Variants in ARIH2 observed in about 807,000 individuals in gnomAD.
ARIH2 encodes E3 ubiquitin-protein ligase ARIH2.
A neutral mutation model predicts 79.8 loss-of-function variants in ARIH2; 12 were observed. The ratio of observed to expected loss-of-function variants is 0.15; its 90% CI spans 0.10 to 0.24. The LOEUF is 0.24. Among genes scored for constraint, ARIH2 ranks in the 10% least tolerant of loss-of-function variants. The probability of loss-of-function intolerance (pLI) is 1.00; values close to 1 mark genes in which losing one functional copy is unlikely to be tolerated. For synonymous variants in ARIH2, 224 were observed against 213.9 expected (o/e 1.05, Z -0.41); for missense variants, 301 against 618.3 (o/e 0.49, Z 5.44).
chr3:48,976,253 G>A (rs1045845137), intron 11 of ARIH2, among the ~76,000 whole-genome samples: 2 of 144,742 alleles, frequency 1.4e-5, no homozygotes, highest in Non-Finnish European at 3.0e-5. Context: ...TGCTCTTGTC[G>A]CTCAGGCTGG....
intron 3 of ARIH2, among the ~76,000 whole-genome samples, chr3:48,961,368 G>C (rs1188918642): frequency 6.6e-6 from 1 of 152,114 alleles, no homozygotes; most frequent in Non-Finnish European, 1.5e-5. Flanking sequence ...TTAAGTTTCA[G>C]ATAAAATTAA....
At chr3:48,961,721 C>A in intron 4 of ARIH2, 42 bp downstream of exon 4, 1 of 1,273,432 alleles carries the variant, frequency 7.9e-7, no homozygotes, top group South Asian at 1.2e-5. Flanking sequence ...GCCCATAGCT[C>A]CCCTCTCCGT....
At chr3:48,964,559 C>T (rs571289591) in intron 4 of ARIH2, among the ~76,000 whole-genome samples, 1 of 152,218 alleles carries the variant, frequency 6.6e-6, no homozygotes, top group South Asian at 2.1e-4. Context: ...AAGTGATCTG[C>T]CCGCCTCGGC....
At chr3:48,970,494 A>G in intron 7 of ARIH2, 101 bp from the exon 8 acceptor site, 1 of 776,832 alleles carries the variant, frequency 1.3e-6, no homozygotes, top group Non-Finnish European at 2.2e-6. Context: ...CGTATAAGTC[A>G]TCAGCTGGGA....
At chr3:48,933,926 C>T (rs148075615) in intron 3 of ARIH2, among the ~76,000 whole-genome samples, 1 of 152,306 alleles carries the variant, frequency 6.6e-6, no homozygotes, top group Non-Finnish European at 1.5e-5. Flanking sequence ...GTTTTTACTA[C>T]ATTTCTTCTT....
rs2092841235 is a variant in ARIH2 at position 48,984,141 on chromosome 3, G to A, written c.*871G>A. On this transcript the variant is annotated 3_prime_UTR_variant, in exon 16 of 16. Transcript: ENST00000356401. ...TAGGGATCTACTTTTGAAGGGAATT[G>A]TTCCTCCCAAATAAATTTGCTTTAC... 6.6e-6 allele frequency: 1 copy of A among 152,616 alleles called. No homozygotes were observed. Among genetic ancestry groups the A allele is most frequent in the South Asian group, 2.1e-4 (1 of 4,824 alleles). The allele number at this position is 152,616 out of a possible 1,614,324, so 9.5% of individuals were successfully genotyped here.
At chr3:48,923,319 G>GA (rs1309498442) in intron 2 of ARIH2, among the ~76,000 whole-genome samples, 2 of 151,540 alleles carry the variant, frequency 1.3e-5, no homozygotes, top group South Asian at 4.1e-4. Context: ...AGAATTGCTT[G>GA]AACCCGGAAG....
At chr3:48,982,678 T>C in intron 14 of ARIH2, 1 of 534,198 alleles carries the variant, frequency 1.9e-6, no homozygotes, top group Non-Finnish European at 3.3e-6. Context: ...GGAGTGGACC[T>C]TTTGAGGGTC....
At chr3:48,931,626 C>T (rs1386350364) in intron 3 of ARIH2, among the ~76,000 whole-genome samples, 2 of 152,006 alleles carry the variant, frequency 1.3e-5, no homozygotes, top group Non-Finnish European at 2.9e-5. Context: ...TACAGAATCT[C>T]ACTATGTTGC....
intron 3 of ARIH2, among the ~76,000 whole-genome samples, chr3:48,954,100 G>T (rs572775632): frequency 1.2e-4 from 18 of 152,136 alleles, no homozygotes; most frequent in African/African-American, 3.9e-4. Flanking sequence ...GGCGGAGGTT[G>T]CAGTGAACCA....
chr3:48,937,933 G>C (rs1007660459), intron 3 of ARIH2, among the ~76,000 whole-genome samples: 6 of 151,176 alleles, frequency 4.0e-5, no homozygotes, highest in African/African-American at 1.5e-4. Context: ...TGTAGTCCCA[G>C]CTACTCCGGA....
At position 48,922,809 on chromosome 3, in the gene ARIH2, C is replaced by T. The variant is rs2084998699; in HGVS notation, c.-100C>T. The T allele has an allele frequency of 6.6e-6, 1 of 152,108 alleles. No homozygotes were observed. The allele number at this position is 152,108 out of a possible 1,614,324, so 9.4% of individuals were successfully genotyped here. A position where few individuals can be genotyped will look rare whatever the true frequency, so the allele number is the denominator to read the frequency against. On this transcript the variant is annotated splice_region_variant and 5_prime_UTR_variant, in exon 2 of 16. Transcript: ENST00000356401. ...CTGCCTGAGAGATCTCCAAGAATTA[C>T]AGGTATCTTTAATTTAAAGATTAAC...
chr3:48,936,596 G>C (rs781396338), intron 3 of ARIH2, among the ~76,000 whole-genome samples: 3 of 152,098 alleles, frequency 2.0e-5, no homozygotes, highest in Non-Finnish European at 4.4e-5. Context: ...AGCTGGGCAT[G>C]GTGGTGCATG....
rs988123629 is a variant in ARIH2, at chr3:48,977,310, G to A, written c.962-2172G>A. Among the ~76,000 whole-genome samples the A allele has an allele frequency of 2.6e-5, 4 of 151,780 alleles. No homozygotes were observed. The East Asian group carries it at 5.8e-4, about 22-fold the overall frequency. Reference sequence around the variant, plus strand: ...GTGGTTTTTTGTTTTGTTTTGTTTCGTTTTTTGAGATGGAGTCTCACTCTG... The same window carrying A: ...GTGGTTTTTTGTTTTGTTTTGTTTCATTTTTTGAGATGGAGTCTCACTCTG... On this transcript the variant is annotated intron_variant, in intron 11 of 15. Coordinates refer to ENST00000356401, the MANE Select transcript of ARIH2 (RefSeq NM_006321.4).
At chr3:48,959,664 A>AG (rs2091035272) in intron 3 of ARIH2, among the ~76,000 whole-genome samples, 1 of 150,894 alleles carries the variant, frequency 6.6e-6, no homozygotes, top group South Asian at 2.1e-4. Context: ...AAAAAAAAAA[A>AG]AAAAAAAAAA....
rs752919895 is a variant in ARIH2 at position 48,983,178 on chromosome 3, C to T, written c.1411-21C>T. On this transcript the variant is annotated intron_variant, in intron 15 of 15. Coordinates refer to ENST00000356401, the MANE Select transcript of ARIH2 (RefSeq NM_006321.4). Reference sequence around the variant, plus strand: ...CCCAGGCCTGGGCCATGCAAGCACACACCTTGTTTCTCTGATGCAGGACTT... The same window carrying T: ...CCCAGGCCTGGGCCATGCAAGCACATACCTTGTTTCTCTGATGCAGGACTT... The T allele has an allele frequency of 1.5e-5, 25 of 1,614,108 alleles. 1 individual carries two copies. Among genetic ancestry groups the T allele is most frequent in the South Asian group, 1.2e-4 (11 of 91,088 alleles).
intron 3 of ARIH2, among the ~76,000 whole-genome samples, chr3:48,958,504 G>A (rs1232289210): frequency 1.3e-5 from 2 of 151,934 alleles, no homozygotes; most frequent in Non-Finnish European, 2.9e-5. Flanking sequence ...GAGGTCAGGA[G>A]TTCAAGACCA....
chr3:48,932,089 C>T (rs529097547), intron 3 of ARIH2, among the ~76,000 whole-genome samples: 44 of 152,240 alleles, frequency 2.9e-4, no homozygotes, highest in Non-Finnish European at 5.3e-4. Context: ...AGGGTAACTT[C>T]CTGTATATGT....
intron 5 of ARIH2, among the ~76,000 whole-genome samples, chr3:48,966,699 G>A (rs1411039827): frequency 6.6e-6 from 1 of 152,176 alleles, no homozygotes; most frequent in East Asian, 1.9e-4. Flanking sequence ...TAACCTTTGT[G>A]ACTAGGTTTC....
Sources: allele counts gnomAD v4.1 joint callset (sites outside exome capture counted in the v4.1 genomes callset), GRCh38; gene constraint gnomAD v4.1.1; transcripts MANE v1.5; gene names NCBI Gene and HGNC (gene_info 2026-07-23, HGNC 2026-07-21).